Variants in EPHB1 observed in about 807,000 individuals in gnomAD.
The protein encoded by EPHB1 is ephrin type-B receptor 1.
In EPHB1, 30 loss-of-function variants were observed where a neutral mutation model predicts 94.4. The ratio of observed to expected loss-of-function variants is 0.32; its 90% CI spans 0.24 to 0.43. The LOEUF (loss-of-function observed/expected upper bound fraction) is 0.43. EPHB1 is among the 20% of genes least tolerant of loss of function. The pLI is 1.00. For synonymous variants in EPHB1, 522 were observed against 489.1 expected, an observed-to-expected ratio of 1.07 and a Z score of -0.89; for missense variants, 1,055 against 1,308.3, an observed-to-expected ratio of 0.81 and a Z score of 2.99.
chr3:134,915,733 G>A (rs967873467), intron 1 of EPHB1, among the ~76,000 whole-genome samples: 6 of 152,008 alleles, frequency 3.9e-5, no homozygotes, highest in South Asian at 2.1e-4. Flanking sequence ...CGGCGCGTCC[G>A]GAGTTGTTCT....
chr3:134,858,029 T>C (rs2037160454), intron 1 of EPHB1, among the ~76,000 whole-genome samples: 1 of 152,130 alleles, frequency 6.6e-6, no homozygotes, highest in South Asian at 2.1e-4. Context: ...GGCACCACCT[T>C]AGCAGGCTTC....
At chr3:134,811,184 G>A (rs2036166965) in intron 1 of EPHB1, among the ~76,000 whole-genome samples, 1 of 146,990 alleles carries the variant, frequency 6.8e-6, no homozygotes, top group African/African-American at 2.5e-5. Flanking sequence ...AGTTCTTGCA[G>A]CTAAACCAGC....
In EPHB1 at chr3:134,954,327, G is replaced by A. The variant is rs150976137; in HGVS notation, c.805+2275G>A. On this transcript the variant is annotated intron_variant, in intron 3 of 15. Transcript: ENST00000398015. ...AAGACTCTGCACTCTTTGGTGGGGG[G>A]TGGGAAGTGCATTTGGAAGTACTTG... 2.3e-3 allele frequency among the ~76,000 whole-genome samples: 353 copies of A among 152,278 alleles called. 2 individuals are homozygous for A. Among genetic ancestry groups the A allele is most frequent in the African/African-American group, 8.0e-3 (334 of 41,548 alleles).
At chr3:134,905,599 G>GGCA (rs899207891) in intron 1 of EPHB1, among the ~76,000 whole-genome samples, 41 of 152,330 alleles carry the variant, frequency 2.7e-4, no homozygotes, top group African/African-American at 9.9e-4. Flanking sequence ...GAAGAGCAAA[G>GGCA]GCAGCAGGTG....
intron 12 of EPHB1, among the ~76,000 whole-genome samples, chr3:135,208,697 G>A (rs1942963051): frequency 6.6e-6 from 1 of 152,214 alleles, no homozygotes; most frequent in Admixed American, 6.5e-5. Context: ...ATAAAAGCTA[G>A]AATGAATTGT....
At chr3:135,170,622 G>C (rs772307923) in intron 9 of EPHB1, among the ~76,000 whole-genome samples, 1 of 152,148 alleles carries the variant, frequency 6.6e-6, no homozygotes, top group African/African-American at 2.4e-5. Context: ...GCCTGGATGA[G>C]ATGATTTAGG....
intron 3 of EPHB1, among the ~76,000 whole-genome samples, chr3:135,072,566 C>T (rs752125504): frequency 6.6e-5 from 10 of 152,142 alleles, no homozygotes; most frequent in Non-Finnish European, 1.0e-4. Flanking sequence ...GCAGACTTCC[C>T]GCCGATCCCC....
intron 3 of EPHB1, among the ~76,000 whole-genome samples, chr3:135,019,090 T>C (rs1165201653): frequency 6.6e-6 from 1 of 152,134 alleles, no homozygotes; most frequent in Admixed American, 6.5e-5. Flanking sequence ...AAGGGAGCTC[T>C]GCGTGCCCCA....
At chr3:135,031,041 T>C (rs1217353343) in intron 3 of EPHB1, among the ~76,000 whole-genome samples, 1 of 152,192 alleles carries the variant, frequency 6.6e-6, no homozygotes, top group African/African-American at 2.4e-5. Context: ...CCCTGACCCC[T>C]TGCGCTTCCC....
Position 135,162,007 on chromosome 3 carries a change from C to T in EPHB1, c.1423-11C>T. On this transcript the variant is annotated splice_polypyrimidine_tract_variant and intron_variant, in intron 6 of 15. Transcript: ENST00000398015. ...AATGGGATAGTGACCCTTTCCCTTG[C>T]TTTCTTTTAGGAACACAATGAGTTC... 1 of 1,600,478 alleles carries T rather than the reference C, an allele frequency of 6.2e-7. No individual in the cohort carries two copies.
At chr3:135,088,693 T>C (rs1938446800) in intron 3 of EPHB1, among the ~76,000 whole-genome samples, 1 of 152,186 alleles carries the variant, frequency 6.6e-6, no homozygotes, top group African/African-American at 2.4e-5. Flanking sequence ...CTCCCAGAAG[T>C]CACATAGGAT....
At chr3:135,164,367 G>T (rs1325190108) in intron 7 of EPHB1, among the ~76,000 whole-genome samples, 2 of 152,178 alleles carry the variant, frequency 1.3e-5, no homozygotes, top group Non-Finnish European at 2.9e-5. Context: ...GGGAACATTA[G>T]AATCACCTGG....
intron 3 of EPHB1, among the ~76,000 whole-genome samples, chr3:135,089,471 C>T (rs1303144475): frequency 6.6e-6 from 1 of 152,218 alleles, no homozygotes; most frequent in Admixed American, 6.5e-5. Context: ...CACAACTTTA[C>T]AACCAATTTT....
intron 5 of EPHB1, among the ~76,000 whole-genome samples, chr3:135,153,901 C>T (rs527963394): frequency 3.9e-5 from 6 of 152,260 alleles, no homozygotes; most frequent in African/African-American, 1.4e-4. Flanking sequence ...TCTGAAAGTC[C>T]CATGTCCATT....
rs576641668 is a variant in EPHB1 at position 134,865,581 on chromosome 3, C to T, written c.59-60235C>T. Among the ~76,000 whole-genome samples the T allele has an allele frequency of 6.0e-5, 9 of 150,384 alleles. 1 individual carries two copies. Among genetic ancestry groups the T allele is most frequent in the African/African-American group, 2.2e-4 (9 of 40,804 alleles). ...TAATGGCAAAAGATTGGAAACAGCC[C>T]AAATGTCTATCATTATAGAATTAGT... On this transcript the variant is annotated intron_variant, in intron 1 of 15. Coordinates refer to ENST00000398015, the MANE Select transcript of EPHB1 (RefSeq NM_004441.5).
chr3:134,939,327 C>T (rs948079672), intron 2 of EPHB1, among the ~76,000 whole-genome samples: 3 of 106,494 alleles, frequency 2.8e-5, no homozygotes, highest in Non-Finnish European at 3.6e-5. Flanking sequence ...AACCCTGAGT[C>T]GGTCACCTTT....
intron 3 of EPHB1, among the ~76,000 whole-genome samples, chr3:135,033,314 A>G (rs1936545343): frequency 6.6e-6 from 1 of 152,040 alleles, no homozygotes; most frequent in African/African-American, 2.4e-5. Flanking sequence ...GGTAGCATGC[A>G]CCTTGTGTGG....
chr3:135,171,764 C>A (rs1379682021), intron 9 of EPHB1, among the ~76,000 whole-genome samples: 1 of 152,164 alleles, frequency 6.6e-6, no homozygotes, highest in African/African-American at 2.4e-5. Context: ...CTGCTAATAA[C>A]CACCAGTATT....
chr3:135,106,503 C>T lies in EPHB1; in HGVS notation c.861C>T (p.Cys287=), dbSNP rs528866784. The T allele has an allele frequency of 1.9e-6, 3 of 1,613,920 alleles. No individual in the cohort carries two copies. In the East Asian group the frequency reaches 6.7e-5, roughly 36 times the overall value. ...AGGAAGCTGAAGGCTGCTCCCACTG[C>T]CCCTCCAACAGCCGCTCCCCTGCAG... ...ASQEAEGCSH[C]PSNSRSPAEA... Residue 287 remains cysteine (C), a synonymous_variant, in exon 4 of 16, where the codon TGC becomes TGT. Transcript: ENST00000398015.
Sources: allele counts gnomAD v4.1 joint callset (sites outside exome capture counted in the v4.1 genomes callset), GRCh38; gene constraint gnomAD v4.1.1; transcripts MANE v1.5; gene names NCBI Gene and HGNC (gene_info 2026-07-23, HGNC 2026-07-21).